Variants in TECPR2 observed in about 807,000 individuals in gnomAD.
TECPR2 encodes the protein tectonin beta-propeller repeat containing 2.
Under a neutral mutation model 138.1 loss-of-function variants are expected in TECPR2, and 65 were observed. That is an observed-to-expected ratio of 0.47 (90% CI 0.39 to 0.58). The LOEUF (loss-of-function observed/expected upper bound fraction) is 0.58. Ranked by LOEUF, TECPR2 falls within the 20% of genes least tolerant of loss-of-function variation. TECPR2 has a pLI of 0.00. For synonymous variants in TECPR2, 746 were observed against 749.8 expected, an observed-to-expected ratio of 0.99 and a Z score of 0.08; for missense variants, 1,553 against 1,824.5, an observed-to-expected ratio of 0.85 and a Z score of 2.71.
At chr14:102,394,592 ACC>A (rs1202178828) in intron 2 of TECPR2, among the ~76,000 whole-genome samples, 1 of 152,066 alleles carries the variant, frequency 6.6e-6, no homozygotes, top group Non-Finnish European at 1.5e-5. Flanking sequence ...ACAGAGCGAG[ACC>A]CTGTCTCAAA....
rs1421711775 is a variant in TECPR2 at position 102,434,529 on chromosome 14, C to T, written c.1712C>T (p.Pro571Leu). 4 of 1,555,394 alleles carry T rather than the reference C, an allele frequency of 2.6e-6. No homozygotes were observed. Among genetic ancestry groups the T allele is most frequent in the Non-Finnish European group, 3.5e-6 (4 of 1,149,754 alleles). ...AEEDDIRTEM[P>L]HCHHAHGREL... ...GAAGATGACATTAGAACTGAAATGC[C>T]ACACTGTCACCATGCACATGGGCGG... is the stretch of plus-strand genomic sequence containing the variant. The change falls in exon 9 of 20, where the codon CCA (proline) becomes CTA (leucine). Residue 571 changes from proline to leucine, a missense_variant. Transcript: ENST00000359520.
chr14:102,402,263 A>G (rs781182807), intron 2 of TECPR2, among the ~76,000 whole-genome samples: 1 of 152,182 alleles, frequency 6.6e-6, no homozygotes, highest in South Asian at 2.1e-4. Flanking sequence ...AGAATCCACA[A>G]ATTTGTGCAA....
At chr14:102,454,158 G>GAAA (rs1226116175) in intron 16 of TECPR2, among the ~76,000 whole-genome samples, 1 of 107,006 alleles carries the variant, frequency 9.3e-6, no homozygotes, top group Non-Finnish European at 2.0e-5. Flanking sequence ...TGTCTCAAAA[G>GAAA]AAAAAAAAAA....
chr14:102,464,705 C>T (rs1377432805), intron 16 of TECPR2, among the ~76,000 whole-genome samples: 1 of 152,178 alleles, frequency 6.6e-6, no homozygotes, highest in Non-Finnish European at 1.5e-5. Flanking sequence ...TAATTAAGAT[C>T]AAGATTATCT....
intron 16 of TECPR2, among the ~76,000 whole-genome samples, chr14:102,457,870 T>G (rs1054121065): frequency 2.7e-5 from 2 of 72,964 alleles, no homozygotes; most frequent in Non-Finnish European, 6.5e-5. Flanking sequence ...CTAAATTCCC[T>G]TTTTTTTTTT....
At chr14:102,497,494 C>T (rs1333389519) in intron 18 of TECPR2, 76 bp from the exon 19 acceptor site, 9 of 1,414,124 alleles carry the variant, frequency 6.4e-6, no homozygotes, top group African/African-American at 2.9e-5. Context: ...TGTGCAGCGT[C>T]ACAAGAGTCG....
At position 102,489,775 on chromosome 14, in the gene TECPR2, G is replaced by C. The variant is rs577325717; in HGVS notation, c.3790-7204G>C. Among the ~76,000 whole-genome samples the C allele has an allele frequency of 4.0e-5, 6 of 151,886 alleles. No individual in the cohort carries two copies. In the East Asian group the frequency reaches 9.7e-4, roughly 24 times the overall value. On this transcript the variant is annotated intron_variant, in intron 17 of 19. Coordinates refer to ENST00000359520, the MANE Select transcript of TECPR2 (RefSeq NM_014844.5). ...ACGTGCTCTCTCTGACAGCCCCTGAGTGTGTCTGGGTTTTGTCTGTTTAAA... is the reference window on the plus strand; with the variant it reads ...ACGTGCTCTCTCTGACAGCCCCTGACTGTGTCTGGGTTTTGTCTGTTTAAA...
At chr14:102,363,962 C>T (rs1207850538) in intron 1 of TECPR2, among the ~76,000 whole-genome samples, 1 of 152,188 alleles carries the variant, frequency 6.6e-6, no homozygotes, top group African/African-American at 2.4e-5. Context: ...TTAGTTTCTC[C>T]TTCTCTACCT....
chr14:102,440,768 A>G (rs1032947279), intron 11 of TECPR2, among the ~76,000 whole-genome samples, 159 bp downstream of exon 11: 3 of 152,270 alleles, frequency 2.0e-5, no homozygotes, highest in African/African-American at 4.8e-5. Flanking sequence ...GCCATTTGGC[A>G]TGTATTAGCA....
chr14:102,396,127 G>A (rs1316223467), intron 2 of TECPR2, among the ~76,000 whole-genome samples: 35 of 148,790 alleles, frequency 2.4e-4, no homozygotes, highest in African/African-American at 8.2e-4. Flanking sequence ...TTTTGAGATG[G>A]AGTCTTGCTC....
chr14:102,399,147 A>T (rs1472629227), intron 2 of TECPR2, among the ~76,000 whole-genome samples: 1 of 152,192 alleles, frequency 6.6e-6, no homozygotes, highest in Non-Finnish European at 1.5e-5. Context: ...CTGTAATCCC[A>T]GCCATCTGGG....
chr14:102,452,899 G>A (rs150752182), intron 16 of TECPR2, among the ~76,000 whole-genome samples: 186 of 152,276 alleles, frequency 1.2e-3, no homozygotes, highest in South Asian at 4.8e-3. Flanking sequence ...CACTCGCTGC[G>A]AGCGGCTTGA....
At chr14:102,432,309 A>G (rs1405781172) in intron 8 of TECPR2, among the ~76,000 whole-genome samples, 181 bp downstream of exon 8, 1 of 152,040 alleles carries the variant, frequency 6.6e-6, no homozygotes, top group African/African-American at 2.4e-5. Context: ...ACACACACAC[A>G]CACACACACA....
intron 1 of TECPR2, among the ~76,000 whole-genome samples, chr14:102,373,320 C>T (rs1028035696): frequency 3.9e-5 from 6 of 152,018 alleles, no homozygotes; most frequent in African/African-American, 1.4e-4. Context: ...TGAGCGAAAA[C>T]GATACCATTC....
In TECPR2 at chr14:102,458,931, A is replaced by C. The variant is rs915961265; in HGVS notation, c.3641-6210A>C. ...CTGAGCCTAATCTAGGCAACAGAGC[A>C]AGCTCCTGTTTCTTAAAAAAAAAAA... On this transcript the variant is annotated intron_variant, in intron 16 of 19. Coordinates refer to ENST00000359520, the MANE Select transcript of TECPR2 (RefSeq NM_014844.5). Among the ~76,000 whole-genome samples the C allele has an allele frequency of 2.7e-5, 4 of 147,474 alleles. No homozygotes were observed. In the South Asian group the frequency reaches 8.6e-4, roughly 32 times the overall value.
In TECPR2 at chr14:102,402,213, A is replaced by G. The variant is rs1888512819; in HGVS notation, c.220-5125A>G. 3.3e-5 allele frequency among the ~76,000 whole-genome samples: 5 copies of G among 152,342 alleles called. No homozygotes were observed. In the South Asian group the frequency reaches 1.0e-3, roughly 32 times the overall value. ...AAAGTATGTTCTTATTGCAACCACA[A>G]CAGGATAAAGTTAGAAATCAGTAAC... On this transcript the variant is annotated intron_variant, in intron 2 of 19. Coordinates refer to ENST00000359520, the MANE Select transcript of TECPR2 (RefSeq NM_014844.5).
At chr14:102,440,698 T>C in intron 11 of TECPR2, 89 bp downstream of exon 11, 4 of 1,453,072 alleles carry the variant, frequency 2.8e-6, no homozygotes, top group Non-Finnish European at 3.7e-6. Context: ...CTTACCACAA[T>C]CGCTATGATT....
intron 5 of TECPR2, among the ~76,000 whole-genome samples, chr14:102,421,661 T>C (rs765580942): frequency 6.6e-6 from 1 of 152,224 alleles, no homozygotes; most frequent in African/African-American, 2.4e-5. Context: ...GTGACCTGCC[T>C]GTAGCCTCGT....
intron 17 of TECPR2, among the ~76,000 whole-genome samples, chr14:102,493,020 C>T (rs77811883): frequency 0.029 from 4,343 of 152,314 alleles, 81 homozygotes; most frequent in Middle Eastern, 0.092. Flanking sequence ...AGCACTTCTC[C>T]GCCTGCCACC....
Sources: allele counts gnomAD v4.1 joint callset (sites outside exome capture counted in the v4.1 genomes callset), GRCh38; gene constraint gnomAD v4.1.1; transcripts MANE v1.5; gene names NCBI Gene and HGNC (gene_info 2026-07-23, HGNC 2026-07-21).